The following USP32 variants were observed in gnomAD, a reference collection of about 807,000 sequenced individuals.
The protein encoded by USP32 is ubiquitin carboxyl-terminal hydrolase 32.
Under a neutral mutation model 204.8 loss-of-function variants are expected in USP32, and 59 were observed. That is an observed-to-expected ratio of 0.29 (90% CI 0.23 to 0.36). The LOEUF (loss-of-function observed/expected upper bound fraction) is 0.36. Ranked by LOEUF, USP32 falls within the 10% of genes least tolerant of loss-of-function variation. USP32 has a pLI of 1.00. For missense variants in USP32, 1,160 were observed against 1,946.4 expected (o/e 0.60, Z 7.60); for synonymous variants, 517 against 678.4 (o/e 0.76, Z 3.70).
intron 32 of USP32, 83 bp from the exon 33 acceptor site, chr17:60,180,720 A>G: frequency 7.5e-7 from 1 of 1,330,176 alleles, no homozygotes; most frequent in South Asian, 1.3e-5. Context: ...GAGCAGGAGA[A>G]CACTGATCAT....
intron 4 of USP32, among the ~76,000 whole-genome samples, chr17:60,290,103 A>C (rs1328481288): frequency 6.6e-6 from 1 of 152,186 alleles, no homozygotes; most frequent in East Asian, 1.9e-4. Context: ...GGTAGAAAGC[A>C]TTCACGATAC....
At chr17:60,241,340 C>T (rs2085872376) in intron 11 of USP32, among the ~76,000 whole-genome samples, 1 of 152,204 alleles carries the variant, frequency 6.6e-6, no homozygotes, top group African/African-American at 2.4e-5. Flanking sequence ...TCTGCTCTCT[C>T]TGAAACCAGG....
chr17:60,380,544 G>T (rs1322491735), intron 1 of USP32, among the ~76,000 whole-genome samples: 1 of 152,020 alleles, frequency 6.6e-6, no homozygotes, highest in African/African-American at 2.4e-5. Flanking sequence ...CTCCAGCCTG[G>T]GTGGCATAAA....
intron 11 of USP32, among the ~76,000 whole-genome samples, chr17:60,244,939 T>A (rs1376953421): frequency 6.6e-6 from 1 of 152,200 alleles, no homozygotes; most frequent in Non-Finnish European, 1.5e-5. Context: ...GCCAACATAG[T>A]CTACTATGTT....
intron 1 of USP32, among the ~76,000 whole-genome samples, chr17:60,414,829 G>C (rs900231609): frequency 1.3e-5 from 2 of 150,394 alleles, no homozygotes; most frequent in African/African-American, 4.9e-5. Flanking sequence ...AGGAACACCA[G>C]ATTTTTATTT....
intron 1 of USP32, 74 bp from the exon 2 acceptor site, chr17:60,345,682 G>A (rs1354520980): frequency 3.1e-6 from 5 of 1,597,278 alleles, no homozygotes; most frequent in Non-Finnish European, 4.3e-6. Context: ...TTTCAACCTG[G>A]CTCCTAAGAA....
intron 1 of USP32, among the ~76,000 whole-genome samples, chr17:60,348,911 G>C (rs2088854761): frequency 6.6e-6 from 1 of 152,142 alleles, no homozygotes; most frequent in Non-Finnish European, 1.5e-5. Context: ...TAAGTAGCTA[G>C]AGAAAAGTAT....
upstream of USP32, among the ~76,000 whole-genome samples, chr17:60,394,567 G>A (rs1190811027): frequency 6.6e-6 from 1 of 152,146 alleles, no homozygotes; most frequent in African/African-American, 2.4e-5. Context: ...ATGACCGCAT[G>A]TGTCGTTTTC....
At chr17:60,371,251 A>AT (rs1323654905) in intron 1 of USP32, among the ~76,000 whole-genome samples, 1 of 140,992 alleles carries the variant, frequency 7.1e-6, no homozygotes, top group Admixed American at 7.1e-5. Context: ...GTCTCTAAAA[A>AT]TTAAAAAAAA....
intron 1 of USP32, among the ~76,000 whole-genome samples, chr17:60,378,246 A>G (rs1357902738): frequency 6.6e-6 from 1 of 151,892 alleles, no homozygotes; most frequent in East Asian, 1.9e-4. Flanking sequence ...TGACAATACT[A>G]TGTCACACCC....
upstream of USP32, among the ~76,000 whole-genome samples, chr17:60,393,508 A>G (rs143702944): frequency 7.2e-4 from 110 of 152,272 alleles, no homozygotes; most frequent in African/African-American, 2.5e-3. Flanking sequence ...TCTTCAACCT[A>G]AAAGTCACGG....
rs2088512338 is a variant in USP32 at position 60,336,210 on chromosome 17, T to C, written c.186+9271A>G. Among the ~76,000 whole-genome samples, 2 of 143,218 alleles carry C rather than the reference T, an allele frequency of 1.4e-5. 1 individual carries two copies. The highest frequency in any genetic ancestry group is 3.0e-5 in the Non-Finnish European group (2 of 67,778). 94.0% of individuals were successfully genotyped at this position (143,218 alleles called of 152,430 possible). A position where few individuals can be genotyped will look rare whatever the true frequency, so the allele number is the denominator to read the frequency against. On this transcript the variant is annotated intron_variant, in intron 2 of 33. Transcript: ENST00000300896. ...TCACTAGTCCCATTACGCTTAACTA[T>C]ATGTTAGATCTTCTATTGTGAACTC...
At chr17:60,286,199 G>C (rs1413601761) in intron 5 of USP32, among the ~76,000 whole-genome samples, 1 of 151,156 alleles carries the variant, frequency 6.6e-6, no homozygotes, top group Admixed American at 6.6e-5. Flanking sequence ...ATGGAAAGAA[G>C]AACAGTAGAA....
chr17:60,408,402 G>C (rs2143061878), intron 1 of USP32, among the ~76,000 whole-genome samples: 1 of 151,174 alleles, frequency 6.6e-6, no homozygotes, highest in Non-Finnish European at 1.5e-5. Flanking sequence ...TTTTGAGACA[G>C]AGTCTCGCTC....
chr17:60,391,927 C>A lies in USP32; in HGVS notation c.13G>T (p.Glu5Ter). 6.2e-7 allele frequency: 1 copy of A among 1,612,830 alleles called. No individual in the cohort carries two copies. Among genetic ancestry groups the A allele is most frequent in the African/African-American group, 1.3e-5 (1 of 74,998 alleles). The change falls in exon 1 of 34, where the codon GAG becomes TAG. Residue 5 changes from glutamate to a stop codon, truncating the protein, a stop_gained. Transcript: ENST00000300896. LOFTEE classifies it high-confidence loss of function. The part of the protein sequence containing the change: MGAK[E>*]SRIGFLSYEE... ...TAGCTGAGGAATCCGATCCGTGACT[C>A]CTTGGCACCCATGCTCCCCTCATCC... is the stretch of plus-strand genomic sequence containing the variant.
chr17:60,282,681 C>G (rs2086997549), intron 5 of USP32, among the ~76,000 whole-genome samples: 1 of 152,150 alleles, frequency 6.6e-6, no homozygotes, highest in East Asian at 1.9e-4. Flanking sequence ...GAGAACATCC[C>G]CATGCTATGA....
At chr17:60,272,654 G>A (rs2086749710) in intron 5 of USP32, among the ~76,000 whole-genome samples, 1 of 152,122 alleles carries the variant, frequency 6.6e-6, no homozygotes, top group Non-Finnish European at 1.5e-5. Flanking sequence ...AGCATAGAAC[G>A]GTGAACCTTG....
chr17:60,361,065 A>G (rs1345089064), intron 1 of USP32, among the ~76,000 whole-genome samples: 1 of 150,950 alleles, frequency 6.6e-6, no homozygotes, highest in South Asian at 2.1e-4. Flanking sequence ...AGAGGCGGAG[A>G]TTGAAGTGAG....
In USP32 at chr17:60,177,777, T is replaced by C. The variant is rs1311011973; in HGVS notation, c.*1478A>G. On this transcript the variant is annotated 3_prime_UTR_variant, in exon 34 of 34. Coordinates refer to ENST00000300896, the MANE Select transcript of USP32 (RefSeq NM_032582.4). ...CTTTCCAAATGCTCTGAGAACTAGA[T>C]ATTAATAGTTACTGGCCTCAGATAT... Among the ~76,000 whole-genome samples the C allele has an allele frequency of 1.3e-5, 2 of 152,338 alleles. No homozygotes were observed. Among genetic ancestry groups the C allele is most frequent in the South Asian group, 4.1e-4 (2 of 4,832 alleles).
Sources: gnomAD v4.1 joint callset for allele counts (sites outside exome capture counted in the v4.1 genomes callset) on GRCh38, gnomAD v4.1.1 for gene constraint, MANE v1.5 for transcripts, NCBI Gene and HGNC (gene_info 2026-07-23, HGNC 2026-07-21) for gene names.